The following ZPLD1 variants were observed in gnomAD, a reference collection of about 807,000 sequenced individuals.
The protein encoded by ZPLD1 is zona pellucida like domain containing 1.
In ZPLD1, 34 loss-of-function variants were observed where a neutral mutation model predicts 47.2. The observed-to-expected ratio is 0.72, with a 90% CI of 0.55 to 0.96. The LOEUF (loss-of-function observed/expected upper bound fraction) is 0.96. Among genes scored for constraint, ZPLD1 ranks in the 40% least tolerant of loss-of-function variants. ZPLD1 has a pLI of 0.00. For missense variants in ZPLD1, 512 were observed against 505.8 expected (o/e 1.01, Z -0.12); for synonymous variants, 176 against 186.2 (o/e 0.95, Z 0.45).
chr3:102,470,583 G>A, intron 10 of ZPLD1, 81 bp downstream of exon 10: 5 of 1,134,492 alleles, frequency 4.4e-6, no homozygotes, highest in Non-Finnish European at 6.5e-6. Context: ...AGAACTCAAA[G>A]TGGTTCCTAA....
At chr3:102,472,772 G>A (rs1018112679) in intron 10 of ZPLD1, among the ~76,000 whole-genome samples, 1 of 152,090 alleles carries the variant, frequency 6.6e-6, no homozygotes, top group African/African-American at 2.4e-5. Flanking sequence ...GTTCATCTTG[G>A]GTAGATGGCT....
intron 10 of ZPLD1, among the ~76,000 whole-genome samples, chr3:102,471,042 G>A (rs1416945425): frequency 1.3e-5 from 2 of 152,188 alleles, no homozygotes; most frequent in Non-Finnish European, 2.9e-5. Context: ...CTCCCAAAGT[G>A]CTGGGATTAC....
intron 7 of ZPLD1, 97 bp from the exon 8 acceptor site, chr3:102,464,074 G>GA (rs1438996060): frequency 1.1e-6 from 1 of 885,512 alleles, no homozygotes; most frequent in Non-Finnish European, 1.8e-6. Flanking sequence ...AAGAAAGAAG[G>GA]AAAAAGAAGT....
At chr3:102,413,221 A>G (rs960415446) in intron 7 of ZPLD1, among the ~76,000 whole-genome samples, 5 of 151,950 alleles carry the variant, frequency 3.3e-5, no homozygotes, top group African/African-American at 9.6e-5. Context: ...TTTTAAAAAG[A>G]CTATTTTTTT....
intron 7 of ZPLD1, 105 bp downstream of exon 7, chr3:102,462,483 T>A: frequency 1.5e-6 from 1 of 685,266 alleles, no homozygotes; most frequent in East Asian, 2.9e-5. Flanking sequence ...TTTGAAAATA[T>A]TATCATTGCC....
chr3:102,410,759 C>A (rs1706740030), intron 7 of ZPLD1, among the ~76,000 whole-genome samples: 1 of 151,672 alleles, frequency 6.6e-6, no homozygotes, highest in African/African-American at 2.4e-5. Context: ...AGGAAACCTG[C>A]TGACTGAGAA....
intron 4 of ZPLD1, 50 bp from the exon 5 acceptor site, chr3:102,456,143 G>A (rs1256516961): frequency 6.7e-7 from 1 of 1,493,118 alleles, no homozygotes; most frequent in Non-Finnish European, 9.1e-7. Flanking sequence ...GAAGTGCCTA[G>A]ATGTATATAT....
At chr3:102,424,154 T>C (rs1455716893) in intron 8 of ZPLD1, among the ~76,000 whole-genome samples, 2 of 152,194 alleles carry the variant, frequency 1.3e-5, no homozygotes, top group African/African-American at 4.8e-5. Flanking sequence ...TTGTTCCTTA[T>C]GAATTAATTA....
At chr3:102,474,025 A>C (rs1214897461) in intron 10 of ZPLD1, among the ~76,000 whole-genome samples, 1 of 152,184 alleles carries the variant, frequency 6.6e-6, no homozygotes, top group African/African-American at 2.4e-5. Flanking sequence ...GAGTTCAGTA[A>C]GTTGTTAAAC....
At chr3:102,442,371 A>G (rs1707194128) in intron 3 of ZPLD1, among the ~76,000 whole-genome samples, 1 of 150,808 alleles carries the variant, frequency 6.6e-6, no homozygotes, top group Non-Finnish European at 1.5e-5. Context: ...CACAGTTACA[A>G]TTTTAAAATT....
intron 7 of ZPLD1, among the ~76,000 whole-genome samples, chr3:102,404,264 A>C (rs1441710594): frequency 5.3e-5 from 8 of 151,988 alleles, no homozygotes. Flanking sequence ...TTAAGAATGC[A>C]ATAAGAGGAT....
At chr3:102,388,452 T>TC (rs1706458664) in intron 6 of ZPLD1, among the ~76,000 whole-genome samples, 1 of 129,760 alleles carries the variant, frequency 7.7e-6, no homozygotes, top group African/African-American at 3.0e-5. Context: ...TCTCTCTCTC[T>TC]GTCTGTGTGT....
At chr3:102,386,995 G>T (rs1706431528) in intron 6 of ZPLD1, among the ~76,000 whole-genome samples, 2 of 152,104 alleles carry the variant, frequency 1.3e-5, no homozygotes, top group South Asian at 4.2e-4. Context: ...TTTCTTTTCT[G>T]CTATGATAGC....
intron 9 of ZPLD1, among the ~76,000 whole-genome samples, chr3:102,469,956 A>G (rs959516883): frequency 5.9e-5 from 9 of 152,188 alleles, no homozygotes; most frequent in Non-Finnish European, 1.3e-4. Flanking sequence ...TGTTCAATTT[A>G]TGCATAAATG....
chr3:102,459,319 T>C (rs996729575), intron 6 of ZPLD1, among the ~76,000 whole-genome samples: 2 of 152,076 alleles, frequency 1.3e-5, no homozygotes, highest in Non-Finnish European at 2.9e-5. Context: ...TTATTTGTTC[T>C]AATTGAGTGA....
chr3:102,441,442 ACCC>A (rs1707176233), intron 3 of ZPLD1, among the ~76,000 whole-genome samples: 2 of 151,970 alleles, frequency 1.3e-5, no homozygotes, highest in African/African-American at 4.8e-5. Flanking sequence ...TGTATCTTAA[ACCC>A]TGCAGATGAA....
intron 8 of ZPLD1, among the ~76,000 whole-genome samples, chr3:102,420,390 A>G (rs1559745936): frequency 6.6e-6 from 1 of 152,076 alleles, no homozygotes; most frequent in East Asian, 1.9e-4. Context: ...TGTTTATAGC[A>G]GGGTGAGCAA....
At chr3:102,404,421 C>G (rs1384405261) in intron 7 of ZPLD1, among the ~76,000 whole-genome samples, 1 of 151,914 alleles carries the variant, frequency 6.6e-6, no homozygotes, top group Non-Finnish European at 1.5e-5. Context: ...TCTGCCTTCA[C>G]CTAAACATTC....
upstream of ZPLD1, among the ~76,000 whole-genome samples, chr3:102,432,756 A>C (rs1707031208): frequency 6.6e-6 from 1 of 152,134 alleles, no homozygotes; most frequent in Non-Finnish European, 1.5e-5. Context: ...TAATTTGTGC[A>C]CTAGGAAAGT....
Sources: allele counts gnomAD v4.1 joint callset (sites outside exome capture counted in the v4.1 genomes callset), GRCh38; gene constraint gnomAD v4.1.1; transcripts MANE v1.5; gene names NCBI Gene and HGNC (gene_info 2026-07-23, HGNC 2026-07-21).